OLFML3: variants seen among roughly 807,000 people sequenced by gnomAD.
OLFML3 encodes olfactomedin-like protein 3.
In OLFML3, 26 loss-of-function variants were observed where a neutral mutation model predicts 36.0. That is an observed-to-expected ratio of 0.72 (90% CI 0.53 to 1.00). The LOEUF is 1.00. OLFML3 is among the 50% of genes least tolerant of loss of function. OLFML3 has a pLI of 0.00. For missense variants in OLFML3, 503 were observed against 519.4 expected (o/e 0.97, Z 0.31); for synonymous variants, 184 against 201.2 (o/e 0.91, Z 0.72).
At position 113,981,447 on chromosome 1, in the gene OLFML3, A is replaced by G; in HGVS notation, c.899A>G (p.Lys300Arg). 6.2e-7 allele frequency: 1 copy of G among 1,613,630 alleles called. No individual in the cohort carries two copies. The highest frequency in any genetic ancestry group is 1.1e-5 in the South Asian group (1 of 91,016). ...GATGACAGGCACTTGTGTCTGGCCA[A>G]GTTAGATCCACAGACACTGGACACA... The part of the protein sequence containing the change: ...REDDRHLCLA[K>R]LDPQTLDTEQ... Residue 300 changes from lysine (K) to arginine (R), a missense_variant, in exon 3 of 3, where the codon AAG becomes AGG. Coordinates refer to ENST00000320334, the MANE Select transcript of OLFML3 (RefSeq NM_020190.5).
chr1:113,980,663 T>C (rs1673379404), intron 2 of OLFML3, 46 bp downstream of exon 2: 2 of 1,505,128 alleles, frequency 1.3e-6, no homozygotes, highest in South Asian at 2.7e-5. Context: ...AGAACCGATA[T>C]TCTTCCTTCC....
In OLFML3 at chr1:113,980,364, T is replaced by C. The variant is rs1211296863; in HGVS notation, c.147T>C (p.Ser49=). 1 of 1,580,822 alleles carries C rather than the reference T, an allele frequency of 6.3e-7. No homozygotes were observed. Among genetic ancestry groups the C allele is most frequent in the East Asian group, 2.2e-5 (1 of 44,734 alleles). ...ERLAQCQDQS[S]RHAAELRDFK... ...TGGCCCAGTGCCAGGACCAGAGTAG[T>C]CGGCATGCTGCTGAGCTGCGGGACT... The change falls in exon 2 of 3, where the codon AGT becomes AGC. Residue 49 remains serine (S), a synonymous_variant. Transcript: ENST00000320334.
chr1:113,980,197 C>T (rs749858784), intron 1 of OLFML3, 135 bp from the exon 2 acceptor site: 180 of 1,515,770 alleles, frequency 1.2e-4, no homozygotes, highest in Non-Finnish European at 1.5e-4. Flanking sequence ...GTTTCCTTTT[C>T]TGCAGGAGTG....
Position 113,979,577 on chromosome 1 carries a change from G to A in OLFML3, c.61G>A (p.Gly21Arg). 1 of 1,614,170 alleles carries A rather than the reference G, an allele frequency of 6.2e-7. No homozygotes were observed. Among genetic ancestry groups the A allele is most frequent in the Non-Finnish European group, 8.5e-7 (1 of 1,180,016 alleles). ...FLLSWSGPLQ[G>R]QQHHLVEYME... is the part of the protein sequence containing the mutation. ...TTTGTCATGGTCGGGACCCCTCCAA[G>A]GACAGCAGCACCACCTTGTGGAGTA... is the stretch of plus-strand genomic sequence containing the variant. Residue 21 changes from glycine to arginine, a missense_variant, in exon 1 of 3, where the codon GGA (glycine) becomes AGA (arginine). Physicochemically the swap from Gly to Arg is moderately radical, Grantham distance 125 (BLOSUM62 -2). Coordinates refer to ENST00000320334, the MANE Select transcript of OLFML3 (RefSeq NM_020190.5).
rs76822390 is a variant in OLFML3 at position 113,981,933 on chromosome 1, C to T, written c.*164C>T. Reference sequence around the variant, plus strand: ...ATTCTTTCAGCTCCTTTGTTTCATACGGAACTCCAGATCCTGAGTAATCCT... The same window carrying T: ...ATTCTTTCAGCTCCTTTGTTTCATATGGAACTCCAGATCCTGAGTAATCCT... On this transcript the variant is annotated 3_prime_UTR_variant, in exon 3 of 3. Coordinates refer to ENST00000320334, the MANE Select transcript of OLFML3 (RefSeq NM_020190.5). 7.5e-5 allele frequency: 49 copies of T among 657,218 alleles called. No individual in the cohort carries two copies. Among genetic ancestry groups the T allele is most frequent in the Non-Finnish European group, 1.0e-4 (39 of 385,728 alleles). 40.7% of individuals were successfully genotyped at this position (657,218 alleles called of 1,614,324 possible). A position where few individuals can be genotyped will look rare whatever the true frequency, so the allele number is the denominator to read the frequency against.
rs1558160542 is a variant in OLFML3, at chr1:113,981,676, C to T, written c.1128C>T (p.Arg376=). 6.2e-7 allele frequency: 1 copy of T among 1,614,106 alleles called. No individual in the cohort carries two copies. The highest frequency in any genetic ancestry group is 8.5e-7 in the Non-Finnish European group (1 of 1,180,028). ...PRRYGAHASL[R]YNPRERQLYA... The stretch of plus-strand genomic sequence containing the variant: ...GATATGGTGCCCATGCCAGCCTCCG[C>T]TATAACCCCCGAGAACGCCAGCTCT... Residue 376 remains arginine (R), a synonymous_variant, in exon 3 of 3, where the codon CGC becomes CGT. Coordinates refer to ENST00000320334, the MANE Select transcript of OLFML3 (RefSeq NM_020190.5).
chr1:113,981,131 G>T lies in OLFML3; in HGVS notation c.583G>T (p.Ala195Ser), dbSNP rs139529930. 2,041 of 1,614,162 alleles carry T rather than the reference G, an allele frequency of 1.3e-3. 2 individuals are homozygous for T. The highest frequency in any genetic ancestry group is 1.5e-3 in the Middle Eastern group (9 of 6,062). The stretch of plus-strand genomic sequence containing the variant: ...GCGTGACTTCACCCTTGCCATGGCT[G>T]CCCGGAAAGCTTCCCGAGTCCGGGT... ...RLRDFTLAMA[A>S]RKASRVRVPF... The change falls in exon 3 of 3, where the codon GCC becomes TCC. Residue 195 changes from alanine (A) to serine (S), a missense_variant. Ala to Ser is a moderately conservative substitution (Grantham distance 99). Transcript: ENST00000320334.
chr1:113,981,902 A>G lies in OLFML3; in HGVS notation c.*133A>G, dbSNP rs1488699863. ...ATCCTCTATATTTTTAGCCAATGGCAATCAAATTCTTTCAGCTCCTTTGTT... is the reference window on the plus strand; with the variant it reads ...ATCCTCTATATTTTTAGCCAATGGCGATCAAATTCTTTCAGCTCCTTTGTT... On this transcript the variant is annotated 3_prime_UTR_variant, in exon 3 of 3. Transcript: ENST00000320334. The G allele has an allele frequency of 3.9e-6, 3 of 778,714 alleles. No homozygotes were observed. Among genetic ancestry groups the G allele is most frequent in the Non-Finnish European group, 6.1e-6 (3 of 489,620 alleles). The allele number at this position is 778,714 out of a possible 1,614,324, so 48.2% of individuals were successfully genotyped here. A position where few individuals can be genotyped will look rare whatever the true frequency, so the allele number is the denominator to read the frequency against.
Position 113,979,626 on chromosome 1 carries a change from T to C in OLFML3, c.110T>C (p.Leu37Ser). The C allele has an allele frequency of 1.9e-6, 3 of 1,608,584 alleles. No individual in the cohort carries two copies. The highest frequency in any genetic ancestry group is 2.6e-6 in the Non-Finnish European group (3 of 1,174,878). The stretch of plus-strand genomic sequence containing the variant: ...TACATGGAACGCCGACTAGCTGCTT[T>C]AGAGGTGAGGGACCCCTTTCTCTTC... ...VEYMERRLAA[L>S]EERLAQCQDQ... Residue 37 changes from leucine (L) to serine (S), a missense_variant, in exon 1 of 3, where the codon TTA (leucine) becomes TCA (serine). By Grantham distance (145) the Leu-to-Ser change is moderately radical (BLOSUM62 -2). Coordinates refer to ENST00000320334, the MANE Select transcript of OLFML3 (RefSeq NM_020190.5).
Position 113,980,497 on chromosome 1 carries a change from G to A in OLFML3, c.280G>A (p.Val94Ile), listed in dbSNP as rs766740625. The part of the protein sequence containing the change: ...SGRVDRLERE[V>I]DYLETQNPAL... ...GAGAGTGGATCGTCTGGAGCGGGAG[G>A]TAGACTATCTGGAGACCCAGAACCC... Residue 94 changes from valine (V) to isoleucine (I), a missense_variant, in exon 2 of 3, where the codon GTA (valine) becomes ATA (isoleucine). Transcript: ENST00000320334. The A allele has an allele frequency of 6.2e-7, 1 of 1,614,206 alleles. No homozygotes were observed. Among genetic ancestry groups the A allele is most frequent in the Non-Finnish European group, 8.5e-7 (1 of 1,180,036 alleles).
intron 1 of OLFML3, chr1:113,980,111 A>T: frequency 6.5e-7 from 1 of 1,550,224 alleles, no homozygotes; most frequent in Non-Finnish European, 8.7e-7. Flanking sequence ...CACAGGCTGG[A>T]GGACATGGAG....
In OLFML3 at chr1:113,981,211, T is replaced by G. The variant is rs751183333; in HGVS notation, c.663T>G (p.Phe221Leu). Residue 221 changes from phenylalanine (F) to leucine (L), a missense_variant, in exon 3 of 3, where the codon TTT (phenylalanine) becomes TTG (leucine). Coordinates refer to ENST00000320334, the MANE Select transcript of OLFML3 (RefSeq NM_020190.5). ...GQLVYGGFLY[F>L]ARRPPGRPGG... is the part of the protein sequence containing the mutation. ...TGGTATATGGTGGCTTTCTTTATTTTGCTCGGAGGCCTCCTGGAAGACCTG... is the reference window on the plus strand; with the variant it reads ...TGGTATATGGTGGCTTTCTTTATTTGGCTCGGAGGCCTCCTGGAAGACCTG... The G allele has an allele frequency of 1.9e-6, 3 of 1,614,148 alleles. No individual in the cohort carries two copies. The highest frequency in any genetic ancestry group is 1.7e-5 in the Admixed American group (1 of 60,024).
In OLFML3 at chr1:113,981,342, C is replaced by T. The variant is rs199724687; in HGVS notation, c.794C>T (p.Pro265Leu). 4.0e-5 allele frequency: 64 copies of T among 1,601,572 alleles called. No homozygotes were observed. The Admixed American group carries it at 7.4e-4, about 19-fold the overall frequency. ...SVFPAEGLIP[P>L]YGLTADTYID... ...TTCCCAGCAGAGGGGCTGATCCCCC[C>T]CTACGGCTTGACAGCAGACACCTAC... The change falls in exon 3 of 3, where the codon CCC becomes CTC. Residue 265 changes from proline (P) to leucine (L), a missense_variant. Transcript: ENST00000320334.
In OLFML3 at chr1:113,981,344, T is replaced by C. The variant is rs1673404141; in HGVS notation, c.796T>C (p.Tyr266His). 6.2e-7 allele frequency: 1 copy of C among 1,602,096 alleles called. No homozygotes were observed. Among genetic ancestry groups the C allele is most frequent in the African/African-American group, 1.3e-5 (1 of 74,784 alleles). ...VFPAEGLIPP[Y>H]GLTADTYIDL... ...CCCAGCAGAGGGGCTGATCCCCCCC[T>C]ACGGCTTGACAGCAGACACCTACAT... The change falls in exon 3 of 3, where the codon TAC becomes CAC. Residue 266 changes from tyrosine (Y) to histidine (H), a missense_variant. By Grantham distance (83) the Tyr-to-His change is moderately conservative. Coordinates refer to ENST00000320334, the MANE Select transcript of OLFML3 (RefSeq NM_020190.5).
Position 113,980,452 on chromosome 1 carries a change from G to A in OLFML3, c.235G>A (p.Glu79Lys). The A allele has an allele frequency of 6.2e-7, 1 of 1,614,036 alleles. No individual in the cohort carries two copies. Among genetic ancestry groups the A allele is most frequent in the Non-Finnish European group, 8.5e-7 (1 of 1,179,958 alleles). ...GAAGGAGCGGGAGGCACTCAGAACT[G>A]AGGCCGACACCATCTCCGGGAGAGT... is the stretch of plus-strand genomic sequence containing the variant. ...AEKEREALRT[E>K]ADTISGRVDR... Residue 79 changes from glutamate to lysine, a missense_variant, in exon 2 of 3, where the codon GAG becomes AAG. Transcript: ENST00000320334.
chr1:113,980,628 T>C lies in OLFML3; in HGVS notation c.400+11T>C, dbSNP rs764154825. The stretch of plus-strand genomic sequence containing the variant: ...ACGATATGGTGACAGGTAAATAATC[T>C]GAAAGCAGGCCCCTAACTCTTCTCA... On this transcript the variant is annotated intron_variant, in intron 2 of 2. Coordinates refer to ENST00000320334, the MANE Select transcript of OLFML3 (RefSeq NM_020190.5). The C allele has an allele frequency of 3.2e-6, 5 of 1,559,214 alleles. No homozygotes were observed. Among genetic ancestry groups the C allele is most frequent in the South Asian group, 2.4e-5 (2 of 82,528 alleles).
rs761410341 is a variant in OLFML3 at position 113,980,494 on chromosome 1, G to A, written c.277G>A (p.Glu93Lys). ...ISGRVDRLEREVDYLETQNPA... is the reference protein window; with the variant it reads ...ISGRVDRLERKVDYLETQNPA... ...CGGGAGAGTGGATCGTCTGGAGCGG[G>A]AGGTAGACTATCTGGAGACCCAGAA... is the stretch of plus-strand genomic sequence containing the variant. The change falls in exon 2 of 3, where the codon GAG becomes AAG. Residue 93 changes from glutamate (E) to lysine (K), a missense_variant. Transcript: ENST00000320334. 4 of 1,614,184 alleles carry A rather than the reference G, an allele frequency of 2.5e-6. No individual in the cohort carries two copies. Among genetic ancestry groups the A allele is most frequent in the African/African-American group, 1.3e-5 (1 of 75,044 alleles).
Position 113,979,526 on chromosome 1 carries a change from A to G in OLFML3, c.10A>G (p.Ser4Gly), listed in dbSNP as rs1673322247. 1 of 1,613,634 alleles carries G rather than the reference A, an allele frequency of 6.2e-7. No homozygotes were observed. Among genetic ancestry groups the G allele is most frequent in the East Asian group, 2.2e-5 (1 of 44,878 alleles). MGPSTPLLILFLLS... is the reference protein window; with the variant it reads MGPGTPLLILFLLS... The stretch of plus-strand genomic sequence containing the variant: ...CACTCTCCAGGCTGCCATGGGGCCC[A>G]GCACCCCTCTCCTCATCTTGTTCCT... The change falls in exon 1 of 3, where the codon AGC (serine) becomes GGC (glycine). Residue 4 changes from serine (S) to glycine (G), a missense_variant. By Grantham distance (56) the Ser-to-Gly change is moderately conservative. Coordinates refer to ENST00000320334, the MANE Select transcript of OLFML3 (RefSeq NM_020190.5).
rs769781747 is a variant in OLFML3 at position 113,980,482 on chromosome 1, C to A, written c.265C>A (p.Arg89Ser). 16 of 1,614,000 alleles carry A rather than the reference C, an allele frequency of 9.9e-6. No homozygotes were observed. Among genetic ancestry groups the A allele is most frequent in the Non-Finnish European group, 1.3e-5 (15 of 1,179,974 alleles). The change falls in exon 2 of 3, where the codon CGT becomes AGT. Residue 89 changes from arginine (R) to serine (S), a missense_variant. Physicochemically the swap from Arg to Ser is moderately radical, Grantham distance 110. Transcript: ENST00000320334. ...CGACACCATCTCCGGGAGAGTGGAT[C>A]GTCTGGAGCGGGAGGTAGACTATCT... is the stretch of plus-strand genomic sequence containing the variant. ...EADTISGRVDRLEREVDYLET... is the reference protein window; with the variant it reads ...EADTISGRVDSLEREVDYLET...
Sources: gnomAD v4.1 joint callset for allele counts on GRCh38, gnomAD v4.1.1 for gene constraint, MANE v1.5 for transcripts, NCBI Gene and HGNC (gene_info 2026-07-23, HGNC 2026-07-21) for gene names.